Variants in TUBB8B observed in about 807,000 individuals in gnomAD.
TUBB8B encodes the protein tubulin beta 8B.
TUBB8B carries 26 observed loss-of-function variants against 31.9 expected under a neutral mutation model. The ratio of observed to expected loss-of-function variants is 0.81; its 90% CI spans 0.60 to 1.13. The LOEUF (loss-of-function observed/expected upper bound fraction) is 1.13, where lower values mean the gene tolerates loss of function less well. Ranked by LOEUF, TUBB8B falls within the 50% of genes most tolerant of loss-of-function variation. TUBB8B has a pLI of 0.00. For synonymous variants in TUBB8B, 173 were observed against 231.0 expected (o/e 0.75, Z 2.28); for missense variants, 467 against 586.7 (o/e 0.80, Z 2.11).
the TUBB8B span, among the ~76,000 whole-genome samples, chr18:72,307 A>C: frequency 9.2e-5 from 14 of 152,202 alleles, no homozygotes; most frequent in South Asian, 2.1e-4. Flanking sequence ...GGCCAAGGAA[A>C]AAAAAAGATT....
chr18:59,474 T>C, the TUBB8B span, among the ~76,000 whole-genome samples: 28 of 151,726 alleles, frequency 1.8e-4, no homozygotes, highest in African/African-American at 6.5e-4. Flanking sequence ...GGTTTATTAT[T>C]AAAGAATATT....
chr18:60,809 T>C, the TUBB8B span, among the ~76,000 whole-genome samples: 5 of 151,912 alleles, frequency 3.3e-5, no homozygotes, highest in East Asian at 1.9e-4. Flanking sequence ...TTTGTTCCAT[T>C]GTGGTCAGAG....
chr18:59,886 G>A, the TUBB8B span, among the ~76,000 whole-genome samples: 28,293 of 151,374 alleles, frequency 0.19, 3,349 homozygotes, highest in African/African-American at 0.29. Flanking sequence ...ACTGATTTGC[G>A]TGTTGAACCA....
chr18:72,196 A>AAAACAAAAAAAAAAAAAAAC, the TUBB8B span, among the ~76,000 whole-genome samples: 11 of 84,542 alleles, frequency 1.3e-4, no homozygotes, highest in African/African-American at 4.3e-4. Flanking sequence ...AAAAAAAAAA[A>AAAACAAAAAAAAAAAAAAAC]AAAGGAAAAA....
At chr18:68,153 A>G in the TUBB8B span, among the ~76,000 whole-genome samples, 1 of 152,198 alleles carries the variant, frequency 6.6e-6, no homozygotes, top group East Asian at 1.9e-4. Flanking sequence ...TTGCCATGGT[A>G]TTACTGTGGT....
At chr18:62,995 T>C in the TUBB8B span, among the ~76,000 whole-genome samples, 1 of 151,832 alleles carries the variant, frequency 6.6e-6, no homozygotes, top group Non-Finnish European at 1.5e-5. Flanking sequence ...TTTATTTCAA[T>C]CTCGTTAAAT....
the TUBB8B span, among the ~76,000 whole-genome samples, chr18:56,600 T>C: frequency 6.6e-6 from 1 of 151,946 alleles, no homozygotes; most frequent in Non-Finnish European, 1.5e-5. Context: ...GGTTACTTTT[T>C]TGAATTCTTT....
At chr18:53,111 T>C (rs1369669815), upstream of TUBB8B, among the ~76,000 whole-genome samples, 1 of 151,840 alleles carries the variant, frequency 6.6e-6, no homozygotes, top group East Asian at 1.9e-4. Context: ...TAAAAAAATG[T>C]GGCTATTTTC....
rs1211680813 is a variant in TUBB8B, at chr18:49,010, C to T, written c.207G>A (p.Glu69=). 1 of 1,609,616 alleles carries T rather than the reference C, an allele frequency of 6.2e-7. No homozygotes were observed. Among genetic ancestry groups the T allele is most frequent in the South Asian group, 1.1e-5 (1 of 90,904 alleles). The change falls in exon 3 of 4, where the codon GAG becomes GAA. Residue 69 remains glutamate (E), a synonymous_variant. Transcript: ENST00000308911. ...AGTGCACAGAGTCCATGGTGCCCGG[C>T]TCCAGATCCACGAGCACAGCGCGGG... ...YVPRAVLVDL[E]PGTMDSVHSG...
At chr18:51,259 T>C (rs1906092997), upstream of TUBB8B, among the ~76,000 whole-genome samples, 1 of 151,938 alleles carries the variant, frequency 6.6e-6, no homozygotes, top group Non-Finnish European at 1.5e-5. Context: ...TAGAATCAAT[T>C]TGTTTCATAA....
chr18:61,100 T>TTA, the TUBB8B span, among the ~76,000 whole-genome samples: 3 of 151,724 alleles, frequency 2.0e-5, no homozygotes, highest in East Asian at 3.9e-4. Flanking sequence ...TCTTTAGCTC[T>TTA]TATAGTATTT....
At chr18:66,987 GTTTT>G in the TUBB8B span, among the ~76,000 whole-genome samples, 27 of 133,250 alleles carry the variant, frequency 2.0e-4, no homozygotes, top group African/African-American at 7.3e-4. Flanking sequence ...TTATTTTCTT[GTTTT>G]TTTTGTTTTT....
the TUBB8B span, among the ~76,000 whole-genome samples, chr18:68,034 T>G: frequency 0.091 from 9,721 of 107,086 alleles, no homozygotes; most frequent in African/African-American, 0.2. Context: ...GCCGCAATAC[T>G]GATACAGCAT....
the TUBB8B span, among the ~76,000 whole-genome samples, chr18:71,660 G>T: frequency 1.7e-3 from 251 of 151,602 alleles, 1 homozygote; most frequent in Middle Eastern, 0.017. Flanking sequence ...AAGGCGGGTG[G>T]ATCACTTGAG....
chr18:67,952 A>G, the TUBB8B span, among the ~76,000 whole-genome samples: 1 of 152,180 alleles, frequency 6.6e-6, no homozygotes, highest in Non-Finnish European at 1.5e-5. Context: ...CACCCGAAAT[A>G]CTGATATGAC....
the TUBB8B span, among the ~76,000 whole-genome samples, chr18:64,077 CCCCTAA>C: frequency 1.1e-4 from 16 of 151,366 alleles, no homozygotes; most frequent in East Asian, 1.8e-3. Flanking sequence ...CCAACACTAA[CCCCTAA>C]CCCTAACCCT....
chr18:69,469 T>G, the TUBB8B span, among the ~76,000 whole-genome samples: 1 of 152,218 alleles, frequency 6.6e-6, no homozygotes, highest in Admixed American at 6.5e-5. Flanking sequence ...ACTCTCCTCC[T>G]GACTCTTCAG....
chr18:62,177 A>C, the TUBB8B span, among the ~76,000 whole-genome samples: 3 of 151,572 alleles, frequency 2.0e-5, no homozygotes, highest in Non-Finnish European at 2.9e-5. Context: ...TTCAGCCTGT[A>C]AATTTTCTCC....
At chr18:50,998 T>TA (rs1477697120), upstream of TUBB8B, among the ~76,000 whole-genome samples, 3 of 151,832 alleles carry the variant, frequency 2.0e-5, no homozygotes, top group South Asian at 2.1e-4. Context: ...CATGAAGCAC[T>TA]AAAAAATCAT....
Sources: allele counts gnomAD v4.1 joint callset (sites outside exome capture counted in the v4.1 genomes callset), GRCh38; gene constraint gnomAD v4.1.1; transcripts MANE v1.5; gene names NCBI Gene and HGNC (gene_info 2026-07-23, HGNC 2026-07-21).